Variants in PADI6 observed in about 807,000 individuals in gnomAD.
PADI6 encodes the protein inactive protein-arginine deiminase type-6.
A neutral mutation model predicts 78.2 loss-of-function variants in PADI6; 66 were observed. The observed-to-expected ratio is 0.84, with a 90% CI of 0.69 to 1.04. The LOEUF (loss-of-function observed/expected upper bound fraction) is 1.04, where lower values mean the gene tolerates loss of function less well. Ranked by LOEUF, PADI6 falls within the 50% of genes least tolerant of loss-of-function variation. The pLI is 0.00. For synonymous variants in PADI6, 397 were observed against 346.9 expected (o/e 1.14, Z -1.60); for missense variants, 854 against 866.1 (o/e 0.99, Z 0.18).
At chr1:17,373,379 C>A (rs1204867) in intron 2 of PADI6, 146 bp downstream of exon 2, 208,857 of 979,546 alleles carry the variant, frequency 0.21, 24,277 homozygotes, top group African/African-American at 0.35. Context: ...CTGCAACAGA[C>A]CAGTGGTGTG....
rs2075231272 is a variant in PADI6, at chr1:17,394,993, C to T, written c.1380C>T (p.Leu460=). 1 of 1,613,634 alleles carries T rather than the reference C, an allele frequency of 6.2e-7. No individual in the cohort carries two copies. Among genetic ancestry groups the T allele is most frequent in the African/African-American group, 1.3e-5 (1 of 75,010 alleles). Residue 460 remains leucine, a synonymous_variant, in exon 12 of 16, where the codon CTC becomes CTT. Transcript: ENST00000619609. The part of the protein sequence containing the change: ...RAMSKTLRDF[L]YAQQVQAPVE... Reference sequence around the variant, plus strand: ...TGAGTAAGACCCTCCGAGACTTCCTCTATGCCCAGCAGGTCCAAGCGCCGG... The same window carrying T: ...TGAGTAAGACCCTCCGAGACTTCCTTTATGCCCAGCAGGTCCAAGCGCCGG...
chr1:17,376,515 A>ATT (rs35288737), intron 3 of PADI6, among the ~76,000 whole-genome samples: 9 of 148,978 alleles, frequency 6.0e-5, no homozygotes, highest in Admixed American at 1.3e-4. Flanking sequence ...TAGTGGGCTA[A>ATT]TTTTTTTTAT....
At chr1:17,383,714 G>A (rs1027160194) in intron 6 of PADI6, among the ~76,000 whole-genome samples, 3 of 151,142 alleles carry the variant, frequency 2.0e-5, no homozygotes, top group Non-Finnish European at 2.9e-5. Context: ...ATGGTGGCGG[G>A]CATGCCCGCC....
intron 3 of PADI6, among the ~76,000 whole-genome samples, 167 bp downstream of exon 3, chr1:17,375,666 A>G (rs1459952291): frequency 1.3e-5 from 2 of 151,390 alleles, no homozygotes. Context: ...TGAGATACCC[A>G]CTCACACACT....
chr1:17,389,632 A>T (rs931961267), intron 8 of PADI6, among the ~76,000 whole-genome samples: 1 of 152,244 alleles, frequency 6.6e-6, no homozygotes, highest in African/African-American at 2.4e-5. Context: ...GGAATCCAGG[A>T]GCAGTCTCTA....
chr1:17,397,753 C>T (rs903186034), intron 14 of PADI6, among the ~76,000 whole-genome samples: 4 of 152,078 alleles, frequency 2.6e-5, no homozygotes, highest in South Asian at 2.1e-4. Flanking sequence ...ACAGTAAAAC[C>T]GCTAGCCCAG....
In PADI6 at chr1:17,392,103, TC is replaced by T. The variant is rs745342727; in HGVS notation, c.963-8del. The T allele has an allele frequency of 2.1e-5, 32 of 1,553,002 alleles. No homozygotes were observed. Among genetic ancestry groups the T allele is most frequent in the Non-Finnish European group, 2.8e-5 (32 of 1,147,868 alleles). ...AAAGCCTTCCCAGAACTGGCTTCTC[TC>T]CCATGGCAGGGAGCTGCAGCTGCAG... On this transcript the variant is annotated splice_polypyrimidine_tract_variant and intron_variant, in intron 8 of 15. Transcript: ENST00000619609.
rs1291079093 is a variant in PADI6 at position 17,379,996 on chromosome 1, G to C, written c.435+9G>C. 2 of 1,613,188 alleles carry C rather than the reference G, an allele frequency of 1.2e-6. No homozygotes were observed. The highest frequency in any genetic ancestry group is 1.7e-6 in the Non-Finnish European group (2 of 1,179,380). On this transcript the variant is annotated intron_variant, in intron 4 of 15. Transcript: ENST00000619609. ...GTGACAAACAGGCTAAGGTGAGTCT[G>C]CCAGCAAAAGGGGGCAGGGAAGGGG...
At chr1:17,373,021 G>T in intron 1 of PADI6, 35 bp from the exon 2 acceptor site, 2 of 1,601,444 alleles carry the variant, frequency 1.2e-6, no homozygotes, top group Non-Finnish European at 1.7e-6. Flanking sequence ...GAAGGTGTTT[G>T]TGCCCTGACG....
In PADI6 at chr1:17,393,595, T is replaced by G. The variant is rs2075213320; in HGVS notation, c.1075-380T>G. 2.0e-5 allele frequency among the ~76,000 whole-genome samples: 3 copies of G among 152,136 alleles called. No individual in the cohort carries two copies. In the South Asian group the frequency reaches 6.2e-4, roughly 32 times the overall value. Reference sequence around the variant, plus strand: ...CAGCTCCACTGCAGCCTCTGCCTCCTCCTGAGTAGCTGGGATTACAGGCAT... The same window carrying G: ...CAGCTCCACTGCAGCCTCTGCCTCCGCCTGAGTAGCTGGGATTACAGGCAT... On this transcript the variant is annotated intron_variant, in intron 9 of 15. Transcript: ENST00000619609.
At position 17,401,320 on chromosome 1, in the gene PADI6, T is replaced by G. The variant is rs1285127476; in HGVS notation, c.1967T>G (p.Phe656Cys). Residue 656 changes from phenylalanine (F) to cysteine (C), a missense_variant, in exon 16 of 16, where the codon TTC (phenylalanine) becomes TGC (cysteine). Coordinates refer to ENST00000619609, the MANE Select transcript of PADI6 (RefSeq NM_207421.4). ...TGCTGCTTGCTGGAGCCCCTGGGCT[T>G]CAAGTGCACCTTCATCAATGACTTT... ...KICCLLEPLG[F>C]KCTFINDFDC... The G allele has an allele frequency of 1.2e-6, 2 of 1,614,094 alleles. No homozygotes were observed. The highest frequency in any genetic ancestry group is 2.2e-5 in the South Asian group (2 of 91,090).
intron 5 of PADI6, among the ~76,000 whole-genome samples, chr1:17,381,544 T>C (rs1157319274): frequency 6.6e-6 from 1 of 152,234 alleles, no homozygotes; most frequent in East Asian, 1.9e-4. Flanking sequence ...CCTCTCATAG[T>C]CTGGGCCAGG....
chr1:17,382,493 C>A (rs1271012600), intron 6 of PADI6, among the ~76,000 whole-genome samples: 1 of 152,214 alleles, frequency 6.6e-6, no homozygotes, highest in African/African-American at 2.4e-5. Flanking sequence ...TGTTAAATTT[C>A]CAGAAATCTG....
Position 17,381,973 on chromosome 1 carries a change from C to T in PADI6, c.560C>T (p.Thr187Met), listed in dbSNP as rs199828844. The change falls in exon 6 of 16, where the codon ACG (threonine) becomes ATG (methionine). Residue 187 changes from threonine to methionine, a missense_variant. Transcript: ENST00000619609. ...TGCTTTGTCTTTTGCCCAGAAATAA[C>T]GAATCTGTCCCAGATGACTCTGAAT... ...TKKVIFSEEITNLSQMTLNVQ... is the reference protein window; with the variant it reads ...TKKVIFSEEIMNLSQMTLNVQ... The T allele has an allele frequency of 2.7e-4, 429 of 1,613,790 alleles. 5 individuals carry two copies. Among genetic ancestry groups the T allele is most frequent in the South Asian group, 1.9e-3 (170 of 91,082 alleles).
rs1262586690 is a variant in PADI6 at position 17,394,088 on chromosome 1, G to A, written c.1182+6G>A. 6.2e-7 allele frequency: 1 copy of A among 1,612,418 alleles called. No individual in the cohort carries two copies. The highest frequency in any genetic ancestry group is 1.3e-5 in the African/African-American group (1 of 74,862). The stretch of plus-strand genomic sequence containing the variant: ...TCCCCATGAAGTACTCACTGGTGTG[G>A]AACTTGGTTTGGCTAATCTGAGCTC... On this transcript the variant is annotated splice_donor_region_variant and intron_variant, in intron 10 of 15. Transcript: ENST00000619609.
At chr1:17,374,321 TTAGG>T (rs1011284004) in intron 2 of PADI6, among the ~76,000 whole-genome samples, 8 of 151,952 alleles carry the variant, frequency 5.3e-5, no homozygotes, top group East Asian at 1.9e-4. Flanking sequence ...AGTAGTGGAC[TTAGG>T]TAGGAACTGA....
At chr1:17,394,749 G>A (rs953832584) in intron 11 of PADI6, among the ~76,000 whole-genome samples, 10 of 152,132 alleles carry the variant, frequency 6.6e-5, no homozygotes, top group East Asian at 3.8e-4. Flanking sequence ...ACTTGTGCCC[G>A]GGCTTGTCTG....
In PADI6 at chr1:17,377,601, C is replaced by T. The variant is rs541185591; in HGVS notation, c.367+2102C>T. ...AAACCTGTTTTTCTAGTAGTCCCTC[C>T]ATCACAGTAGGCGGTAGCTCCATCC... On this transcript the variant is annotated intron_variant, in intron 3 of 15. Coordinates refer to ENST00000619609, the MANE Select transcript of PADI6 (RefSeq NM_207421.4). Among the ~76,000 whole-genome samples, 73 of 152,354 alleles carry T rather than the reference C, an allele frequency of 4.8e-4. 1 individual carries two copies. The highest frequency in any genetic ancestry group is 1.7e-3 in the African/African-American group (70 of 41,590).
intron 12 of PADI6, 69 bp from the exon 13 acceptor site, chr1:17,395,471 G>T: frequency 6.6e-7 from 1 of 1,521,060 alleles, no homozygotes; most frequent in South Asian, 1.2e-5. Flanking sequence ...CCAAAGTGCT[G>T]GGATTACAGA....
Sources: gnomAD v4.1 joint callset for allele counts (sites outside exome capture counted in the v4.1 genomes callset) on GRCh38, gnomAD v4.1.1 for gene constraint, MANE v1.5 for transcripts, NCBI Gene and HGNC (gene_info 2026-07-23, HGNC 2026-07-21) for gene names.